The following SLC4A11 variants were observed in gnomAD, a reference collection of about 807,000 sequenced individuals.
The protein encoded by SLC4A11 is bicarbonate transporter related protein 1.
SLC4A11 carries 74 observed loss-of-function variants against 95.0 expected under a neutral mutation model. That is an observed-to-expected ratio of 0.78 (90% CI 0.65 to 0.95). SLC4A11 has a LOEUF of 0.95. Among genes scored for constraint, SLC4A11 ranks in the 40% least tolerant of loss-of-function variants. SLC4A11 has a pLI of 0.00. For synonymous variants in SLC4A11, 548 were observed against 519.0 expected (o/e 1.06, Z -0.76); for missense variants, 1,081 against 1,192.4 (o/e 0.91, Z 1.38).
Position 3,228,428 on chromosome 20 carries a change from T to G in SLC4A11, c.2389A>C (p.Thr797Pro). 1.2e-6 allele frequency: 2 copies of G among 1,613,110 alleles called. No individual in the cohort carries two copies. Among genetic ancestry groups the G allele is most frequent in the Non-Finnish European group, 1.7e-6 (2 of 1,179,938 alleles). Residue 797 changes from threonine to proline, a missense_variant and splice_region_variant, in exon 19 of 20, where the codon ACT becomes CCT. Physicochemically the swap from Thr to Pro is conservative, Grantham distance 38. Around this residue, in one of 3 missense-constraint regions of SLC4A11, gnomAD observed 767 missense variants for 858.0 expected, o/e 0.89. Transcript: ENST00000642402. ...QRVALLLKEQ[T>P]AYPPTHYIRR... ...ATGTAGTGTGTCGGGGGGTACGCAGTCTGTGGGCGGCAGGGACCGGGTGTG... is the reference window on the plus strand; with the variant it reads ...ATGTAGTGTGTCGGGGGGTACGCAGGCTGTGGGCGGCAGGGACCGGGTGTG...
In SLC4A11 at chr20:3,231,189, G is replaced by C. The variant is rs200404341; in HGVS notation, c.1002C>G (p.Ile334Met). The stretch of plus-strand genomic sequence containing the variant: ...AGGGGTACAAGGGGAACCTGCGTGC[G>C]ATGTCCTCCCGGATGCCCTTCCCAA... ...VPFGKGIRED[I>M]ARRFPLYPLD... is the part of the protein sequence containing the mutation. Residue 334 changes from isoleucine to methionine, a missense_variant, in exon 9 of 20, where the codon ATC becomes ATG. Transcript: ENST00000642402. The surrounding 1 kb of genome is among the most constrained non-coding windows in gnomAD (Gnocchi z 5.2). The C allele has an allele frequency of 1.4e-5, 22 of 1,614,092 alleles. No individual in the cohort carries two copies. The highest frequency in any genetic ancestry group is 1.8e-5 in the Non-Finnish European group (21 of 1,180,002).
upstream of SLC4A11, chr20:3,239,217 G>GGCCGGCGGCGGGA: frequency 1.7e-5 from 22 of 1,320,464 alleles, no homozygotes; most frequent in South Asian, 4.3e-4. Context: ...GACTCGGGCG[G>GGCCGGCGGCGGGA]GCCGGCGGCG....
At chr20:3,237,855 G>A (rs750370041) in intron 1 of SLC4A11, 5 of 1,552,022 alleles carry the variant, frequency 3.2e-6, no homozygotes, top group South Asian at 1.2e-5. Context: ...GAGGAGAGAC[G>A]TTCCAGGGAT....
Position 3,231,694 on chromosome 20 carries a change from C to A in SLC4A11, c.730-146G>T. The stretch of plus-strand genomic sequence containing the variant: ...TTTTTGAGACAGGGTCTCACTGTCA[C>A]CCAGGCTGAGTGCAGTGGCACACTC... On this transcript the variant is annotated intron_variant, in intron 7 of 19. Transcript: ENST00000642402. This position sits in a 1 kb window ranked among gnomAD's most constrained non-coding sequence, Gnocchi z 5.2. The A allele has an allele frequency of 1.3e-6, 1 of 742,918 alleles. No individual in the cohort carries two copies. Among genetic ancestry groups the A allele is most frequent in the African/African-American group, 1.7e-5 (1 of 57,396 alleles). The allele number at this position is 742,918 out of a possible 1,614,324, so 46.0% of individuals were successfully genotyped here.
At position 3,230,757 on chromosome 20, in the gene SLC4A11, G is replaced by A. The variant is rs767109005; in HGVS notation, c.1257C>T (p.Thr419=). Residue 419 remains threonine, a synonymous_variant, in exon 11 of 20, where the codon ACC becomes ACT. Transcript: ENST00000642402. ...CCTGGATGTAGAGCGCCAGGGGCGC[G>A]GTGGTCAGCAGAATCACCAATGGCT... ...SGQPLVILLT[T]APLALYIQVI... 26 of 1,613,228 alleles carry A rather than the reference G, an allele frequency of 1.6e-5. No homozygotes were observed. Among genetic ancestry groups the A allele is most frequent in the Middle Eastern group, 3.3e-4 (2 of 6,062 alleles).
rs766711908 is a variant in SLC4A11, at chr20:3,230,583, C to T, written c.1347G>A (p.Leu449=). The T allele has an allele frequency of 3.7e-6, 6 of 1,613,894 alleles. No homozygotes were observed. The highest frequency in any genetic ancestry group is 1.6e-4 in the Middle Eastern group (1 of 6,062). Residue 449 remains leucine (L), a synonymous_variant, in exon 12 of 20, where the codon CTG becomes CTA. Coordinates refer to ENST00000642402, the MANE Select transcript of SLC4A11 (RefSeq NM_001174089.2). ...AAAGCGCAAGGAAGAAACTATTCCA[C>T]AGGCCCGTCCATGCGTAGAAGGAGT... is the stretch of plus-strand genomic sequence containing the variant. ...DFNSFYAWTG[L]WNSFFLALYA... is the part of the protein sequence containing the mutation.
rs752093825 is a variant in SLC4A11 at position 3,229,398 on chromosome 20, G to T, written c.1797C>A (p.Ile599=). The change falls in exon 15 of 20, where the codon ATC becomes ATA. Residue 599 remains isoleucine, a synonymous_variant. Transcript: ENST00000642402. ...REILSDCALP[I]AVLAFSLISS... ...TGATGAGGGAGAAGGCGAGCACCGC[G>T]ATGGGCAGGGCGCAGTCGGACAGGA... 3 of 1,613,220 alleles carry T rather than the reference G, an allele frequency of 1.9e-6. No homozygotes were observed. The South Asian group carries it at 3.3e-5, about 18-fold the overall frequency.
At position 3,233,649 on chromosome 20, in the gene SLC4A11, G is replaced by C. The variant is rs745545097; in HGVS notation, c.606-12C>G. 3.7e-6 allele frequency: 6 copies of C among 1,611,018 alleles called. No individual in the cohort carries two copies. In the South Asian group the frequency reaches 6.6e-5, roughly 18 times the overall value. On this transcript the variant is annotated splice_polypyrimidine_tract_variant and intron_variant, in intron 6 of 19. Coordinates refer to ENST00000642402, the MANE Select transcript of SLC4A11 (RefSeq NM_001174089.2). ...CCTTCATGGTACAGCTGGCAGGGGCGGGGAGGACACAGTGCACAGTTGCAC... is the reference window on the plus strand; with the variant it reads ...CCTTCATGGTACAGCTGGCAGGGGCCGGGAGGACACAGTGCACAGTTGCAC...
chr20:3,238,913 G>T, intron 1 of SLC4A11, 182 bp downstream of exon 1: 2 of 1,257,890 alleles, frequency 1.6e-6, no homozygotes, highest in Non-Finnish European at 1.0e-6. Context: ...CCGCGAAGCC[G>T]CGCCCGGGCC....
chr20:3,233,660 A>G, intron 6 of SLC4A11, 23 bp from the exon 7 acceptor site: 1 of 1,610,090 alleles, frequency 6.2e-7, no homozygotes, highest in Non-Finnish European at 8.5e-7. Context: ...GGGAGGACAC[A>G]GTGCACAGTT....
At chr20:3,229,302 C>T in intron 15 of SLC4A11, 39 bp from the exon 16 acceptor site, 1 of 1,613,120 alleles carries the variant, frequency 6.2e-7, no homozygotes, top group Non-Finnish European at 8.5e-7. Context: ...CCTGCAGCGC[C>T]TGGGGAGCTA....
rs371311907 is a variant in SLC4A11 at position 3,234,177 on chromosome 20, G to A, written c.429C>T (p.Phe143=). Reference sequence around the variant, plus strand: ...GCTCATTGTTGTCAGGGTCCCTGGCGAAGCGGCGAAGCATGGTCCGCAGCA... The same window carrying A: ...GCTCATTGTTGTCAGGGTCCCTGGCAAAGCGGCGAAGCATGGTCCGCAGCA... The part of the protein sequence containing the change: ...DNVLRTMLRR[F]ARDPDNNEPN... The change falls in exon 5 of 20, where the codon TTC becomes TTT. Residue 143 remains phenylalanine, a synonymous_variant. Coordinates refer to ENST00000642402, the MANE Select transcript of SLC4A11 (RefSeq NM_001174089.2). This position sits in a 1 kb window ranked among gnomAD's most constrained non-coding sequence, Gnocchi z 5.8. 45 of 1,613,836 alleles carry A rather than the reference G, an allele frequency of 2.8e-5. No individual in the cohort carries two copies. Among genetic ancestry groups the A allele is most frequent in the Non-Finnish European group, 3.6e-5 (42 of 1,179,902 alleles).
chr20:3,229,718 T>C lies in SLC4A11; in HGVS notation c.1548A>G (p.Ser516=). The C allele has an allele frequency of 1.2e-6, 2 of 1,613,954 alleles. No individual in the cohort carries two copies. The highest frequency in any genetic ancestry group is 1.7e-6 in the Non-Finnish European group (2 of 1,179,992). ...CGAGGCCTGACAGGCTGACAAGGGATGAAGTCCTTTTTGTGTGATAGTCGT... is the reference window on the plus strand; with the variant it reads ...CGAGGCCTGACAGGCTGACAAGGGACGAAGTCCTTTTTGTGTGATAGTCGT... ...YLDDYHTKRT[S]SLVSLSGLGA... is the part of the protein sequence containing the mutation. The change falls in exon 14 of 20, where the codon TCA becomes TCG. Residue 516 remains serine, a synonymous_variant. Coordinates refer to ENST00000642402, the MANE Select transcript of SLC4A11 (RefSeq NM_001174089.2).
intron 2 of SLC4A11, among the ~76,000 whole-genome samples, chr20:3,236,044 C>T (rs1462910248): frequency 2.0e-5 from 3 of 152,160 alleles, no homozygotes; most frequent in Non-Finnish European, 4.4e-5. Flanking sequence ...GCCCAGACCC[C>T]ACTGATGCCT....
rs115417051 is a variant in SLC4A11, at chr20:3,236,145, G to A, written c.89-1251C>T. Among the ~76,000 whole-genome samples, 635 of 152,174 alleles carry A rather than the reference G, an allele frequency of 4.2e-3. 7 individuals carry two copies. Among genetic ancestry groups the A allele is most frequent in the African/African-American group, 0.015 (605 of 41,526 alleles). ...ACCCTGACTCACTTCTACTCCCGCC[G>A]CCAGTTTCCTTGGCACATCCCAGGC... On this transcript the variant is annotated intron_variant, in intron 2 of 19. Transcript: ENST00000642402.
intron 16 of SLC4A11, 26 bp downstream of exon 16, chr20:3,229,069 A>ACCCCCCCC: frequency 2.1e-5 from 4 of 193,708 alleles, no homozygotes; most frequent in Non-Finnish European, 2.7e-5. Context: ...GGCCCCGCCC[A>ACCCCCCCC]CCCCACCCTC....
At chr20:3,228,153 C>CCCCCAAAA in intron 19 of SLC4A11, 106 bp downstream of exon 19, 1 of 1,017,546 alleles carries the variant, frequency 9.8e-7, no homozygotes, top group Non-Finnish European at 1.5e-6. Context: ...CCAACCCGCC[C>CCCCCAAAA]ATTCTCCGCC....
At position 3,234,747 on chromosome 20, in the gene SLC4A11, T is replaced by C. The variant is rs780682430; in HGVS notation, c.236A>G (p.Asn79Ser). Reference sequence around the variant, plus strand: ...CCCTGCTGCAGCCCCCATACCAGTGTTGGTGGCCTGCATCTCAAGGTTGAC... The same window carrying C: ...CCCTGCTGCAGCCCCCATACCAGTGCTGGTGGCCTGCATCTCAAGGTTGAC... ...VNVNLEMQAT[N>S]TENEATSGGC... is the part of the protein sequence containing the mutation. Residue 79 changes from asparagine to serine, a missense_variant, in exon 3 of 20, where the codon AAC (asparagine) becomes AGC (serine). Asn to Ser is a conservative substitution (Grantham distance 46). This residue lies in a region of SLC4A11 where 310 missense variants were observed against 313.5 expected (regional missense o/e 0.99). Transcript: ENST00000642402. The surrounding 1 kb of genome is among the most constrained non-coding windows in gnomAD (Gnocchi z 5.8). 15 of 1,613,890 alleles carry C rather than the reference T, an allele frequency of 9.3e-6. No individual in the cohort carries two copies. Among genetic ancestry groups the C allele is most frequent in the Middle Eastern group, 3.3e-4 (2 of 6,062 alleles).
chr20:3,235,305 TCTCTCACACACACACACA>T lies in SLC4A11; in HGVS notation c.89-429_89-412del, dbSNP rs1164211027. 5.1e-4 allele frequency among the ~76,000 whole-genome samples: 56 copies of T among 109,916 alleles called. 1 individual carries two copies. Among genetic ancestry groups the T allele is most frequent in the Middle Eastern group, 4.3e-3 (1 of 232 alleles). 72.1% of individuals were successfully genotyped at this position (109,916 alleles called of 152,430 possible). ...GTCTCTCTCTCTCTCTCTCTCTCTC[TCTCTCACACACACACACA>T]CACACACACACACACACACACACAC... On this transcript the variant is annotated intron_variant, in intron 2 of 19. Coordinates refer to ENST00000642402, the MANE Select transcript of SLC4A11 (RefSeq NM_001174089.2).
Sources: gnomAD v4.1 joint callset for allele counts (sites outside exome capture counted in the v4.1 genomes callset) on GRCh38, gnomAD v4.1.1 for gene constraint, gnomAD v4.1.1 regional missense constraint, Gnocchi (gnomAD v3.1) non-coding constraint, MANE v1.5 for transcripts, NCBI Gene and HGNC (gene_info 2026-07-23, HGNC 2026-07-21) for gene names.